TENM2: variants seen among roughly 807,000 people sequenced by gnomAD.
TENM2 encodes the protein teneurin-2.
A neutral mutation model predicts 245.2 loss-of-function variants in TENM2; 52 were observed. The observed-to-expected ratio is 0.21, with a 90% CI of 0.17 to 0.27. The LOEUF (loss-of-function observed/expected upper bound fraction) is 0.27, where lower values mean the gene tolerates loss of function less well. TENM2 is among the 10% of genes least tolerant of loss of function. The pLI, the probability that TENM2 is intolerant of heterozygous loss-of-function variation, is 1.00. For synonymous variants in TENM2, 1,363 were observed against 1,438.9 expected (o/e 0.95, Z 1.19); for missense variants, 3,046 against 3,666.8 (o/e 0.83, Z 4.37).
intron 3 of TENM2, among the ~76,000 whole-genome samples, chr5:167,902,467 T>G (rs1189142643): frequency 6.6e-6 from 1 of 152,110 alleles, no homozygotes; most frequent in Admixed American, 6.6e-5. Context: ...TCCAGCCTCC[T>G]CGGCCCCTAG....
chr5:167,151,667 C>T, the TENM2 span, among the ~76,000 whole-genome samples: 729 of 152,108 alleles, frequency 4.8e-3, 3 homozygotes, highest in Non-Finnish European at 9.5e-3. Flanking sequence ...TACAGGCACC[C>T]GCCACCCTGC....
chr5:167,081,555 G>A, the TENM2 span, among the ~76,000 whole-genome samples: 1 of 152,100 alleles, frequency 6.6e-6, no homozygotes, highest in Non-Finnish European at 1.5e-5. Context: ...ATTATTGCAG[G>A]CAGAAAGCAA....
the TENM2 span, among the ~76,000 whole-genome samples, chr5:167,125,786 T>C: frequency 1.3e-5 from 2 of 152,194 alleles, no homozygotes; most frequent in South Asian, 4.1e-4. Context: ...AGGTCTCTTA[T>C]ACAACTTCTA....
At chr5:167,817,661 C>T (rs1767169637) in intron 2 of TENM2, among the ~76,000 whole-genome samples, 1 of 152,036 alleles carries the variant, frequency 6.6e-6, no homozygotes, top group East Asian at 1.9e-4. Flanking sequence ...AAAATATGTT[C>T]AGTAAAAAGT....
intron 1 of TENM2, among the ~76,000 whole-genome samples, chr5:167,356,326 G>GT (rs1282412860): frequency 6.6e-6 from 1 of 151,660 alleles, no homozygotes; most frequent in Non-Finnish European, 1.5e-5. Context: ...AAACCTCCCT[G>GT]TTTTTTGATT....
chr5:167,143,559 T>A, the TENM2 span, among the ~76,000 whole-genome samples: 1 of 152,210 alleles, frequency 6.6e-6, no homozygotes, highest in Non-Finnish European at 1.5e-5. Context: ...GTAAACTCTT[T>A]CTTGTATGAA....
intron 2 of TENM2, among the ~76,000 whole-genome samples, chr5:167,509,088 G>A (rs554402606): frequency 6.6e-6 from 1 of 152,308 alleles, no homozygotes; most frequent in Admixed American, 6.5e-5. Flanking sequence ...AAAGTACTGG[G>A]ATTGTAGGTG....
At chr5:167,309,437 A>G (rs762449000) in intron 1 of TENM2, among the ~76,000 whole-genome samples, 3 of 152,236 alleles carry the variant, frequency 2.0e-5, no homozygotes, top group Non-Finnish European at 2.9e-5. Context: ...TTTTCAACGT[A>G]TGATGGGTTT....
intron 2 of TENM2, among the ~76,000 whole-genome samples, chr5:167,720,746 A>G (rs1479467309): frequency 6.6e-6 from 1 of 152,244 alleles, no homozygotes; most frequent in Non-Finnish European, 1.5e-5. Context: ...CATAATTTAA[A>G]TAGAGGTATT....
Position 168,226,270 on chromosome 5 carries a change from C to A in TENM2, c.5284+7C>A. 1 of 1,611,138 alleles carries A rather than the reference C, an allele frequency of 6.2e-7. No homozygotes were observed. The highest frequency in any genetic ancestry group is 8.5e-7 in the Non-Finnish European group (1 of 1,178,218). On this transcript the variant is annotated splice_region_variant and intron_variant, in intron 24 of 28. Transcript: ENST00000518659. ...TCCTACACAGTGGTACAAGGTGAGC[C>A]TCCACCCATACCATCCTACCCCCAA...
rs377377607 is a variant in TENM2, at chr5:168,175,996, C to T, written c.2569+13239C>T. On this transcript the variant is annotated intron_variant, in intron 13 of 28. Transcript: ENST00000518659. The stretch of plus-strand genomic sequence containing the variant: ...CCATTGCATAGGCCTTTGACATGCC[C>T]TCTTTGTCTATGCATCTTGCCACAC... Among the ~76,000 whole-genome samples the T allele has an allele frequency of 5.9e-5, 9 of 152,216 alleles. No homozygotes were observed. The East Asian group carries it at 1.5e-3, about 26-fold the overall frequency.
intron 5 of TENM2, among the ~76,000 whole-genome samples, chr5:168,035,827 G>T (rs1391536817): frequency 6.6e-6 from 1 of 152,040 alleles, no homozygotes; most frequent in East Asian, 1.9e-4. Context: ...CTAGACCTTG[G>T]GTATGTCATA....
At chr5:167,436,831 C>T (rs1342058256) in intron 2 of TENM2, among the ~76,000 whole-genome samples, 4 of 152,202 alleles carry the variant, frequency 2.6e-5, no homozygotes, top group Middle Eastern at 3.2e-3. Context: ...GCATCTTCCA[C>T]GTGGTGTTGA....
chr5:167,029,065 G>A, the TENM2 span, among the ~76,000 whole-genome samples: 1 of 152,076 alleles, frequency 6.6e-6, no homozygotes, highest in Non-Finnish European at 1.5e-5. Flanking sequence ...TTGTAACTCA[G>A]CAGTCTAATT....
the TENM2 span, among the ~76,000 whole-genome samples, chr5:167,192,387 G>A: frequency 6.6e-6 from 1 of 152,050 alleles, no homozygotes; most frequent in African/African-American, 2.4e-5. Flanking sequence ...AGCATGGTGT[G>A]GAAACCTAGT....
the TENM2 span, among the ~76,000 whole-genome samples, chr5:167,054,495 G>T: frequency 6.6e-6 from 1 of 152,250 alleles, no homozygotes; most frequent in South Asian, 2.1e-4. Flanking sequence ...GTAAACATCT[G>T]TGTGCAGATT....
chr5:167,535,120 C>A lies in TENM2; in HGVS notation c.502+159647C>A, dbSNP rs1771765295. ...CCTTTTCTGCTTGTACCTCTCAATG[C>A]ATCTCTTCAGAAGATTCCAGTAAGA... is the stretch of plus-strand genomic sequence containing the variant. On this transcript the variant is annotated intron_variant, in intron 2 of 28. Transcript: ENST00000518659. Among the ~76,000 whole-genome samples, 6 of 152,048 alleles carry A rather than the reference C, an allele frequency of 3.9e-5. No homozygotes were observed. The South Asian group carries it at 1.2e-3, about 32-fold the overall frequency.
chr5:167,803,435 A>G (rs1173401458), intron 2 of TENM2, among the ~76,000 whole-genome samples: 1 of 152,122 alleles, frequency 6.6e-6, no homozygotes, highest in African/African-American at 2.4e-5. Context: ...AATGGAGACA[A>G]AAATGAACCA....
intron 2 of TENM2, among the ~76,000 whole-genome samples, chr5:167,870,808 CT>C (rs1772768343): frequency 1.3e-5 from 2 of 151,708 alleles, no homozygotes; most frequent in African/African-American, 2.4e-5. Flanking sequence ...CTGAGCATGT[CT>C]CTTTGCTTCA....
Sources: allele counts gnomAD v4.1 joint callset (sites outside exome capture counted in the v4.1 genomes callset), GRCh38; gene constraint gnomAD v4.1.1; transcripts MANE v1.5; gene names NCBI Gene and HGNC (gene_info 2026-07-23, HGNC 2026-07-21).